METTL2B: variants seen among roughly 807,000 people sequenced by gnomAD.
METTL2B encodes methyltransferase 2B, tRNA N3-cytidine, also known as tRNA N(3)-cytidine methyltransferase METTL2B.
In METTL2B, 28 loss-of-function variants were observed where a neutral mutation model predicts 51.0. The observed-to-expected ratio is 0.55, with a 90% CI of 0.41 to 0.75. METTL2B has a LOEUF of 0.75. METTL2B is among the 30% of genes least tolerant of loss of function. The pLI, the probability that METTL2B is intolerant of heterozygous loss-of-function variation, is 0.00. For missense variants in METTL2B, 313 were observed against 460.7 expected (o/e 0.68, Z 2.93); for synonymous variants, 128 against 166.3 (o/e 0.77, Z 1.77).
chr7:128,488,233 G>A (rs1284514494), intron 5 of METTL2B, 72 bp downstream of exon 5: 2 of 959,364 alleles, frequency 2.1e-6, no homozygotes, highest in Admixed American at 2.3e-5. Context: ...TAAAAATCAA[G>A]GTCTCTGGCT....
Position 128,502,225 on chromosome 7 carries a change from A to G in METTL2B, c.*309A>G, listed in dbSNP as rs1563032528. ...CAGGATTCTAACAATTATGCTTCAT[A>G]TTTGTGAAGTCCTTTAAAACATAAT... On this transcript the variant is annotated 3_prime_UTR_variant, in exon 9 of 9. Coordinates refer to ENST00000262432, the MANE Select transcript of METTL2B (RefSeq NM_018396.3). The G allele has an allele frequency of 3.0e-6, 1 of 330,492 alleles. No individual in the cohort carries two copies. The highest frequency in any genetic ancestry group is 5.5e-6 in the Non-Finnish European group (1 of 182,724). 20.5% of individuals were successfully genotyped at this position (330,492 alleles called of 1,614,324 possible). A position where few individuals can be genotyped will look rare whatever the true frequency, so the allele number is the denominator to read the frequency against.
rs755022379 is a variant in METTL2B at position 128,479,223 on chromosome 7, T to A, written c.268T>A (p.Phe90Ile). The change falls in exon 3 of 9, where the codon TTC becomes ATC. Residue 90 changes from phenylalanine to isoleucine, a missense_variant. Transcript: ENST00000262432. ...DFYKIHENGF[F>I]KDRHWLFTEF... ...CTACAAAATCCACGAAAATGGGTTT[T>A]TCAAGGATAGACATTGGCTTTTTAC... The A allele has an allele frequency of 1.9e-6, 3 of 1,614,224 alleles. No individual in the cohort carries two copies. In the East Asian group the frequency reaches 6.7e-5, roughly 36 times the overall value.
At chr7:128,477,714 G>A (rs1020133478) in intron 2 of METTL2B, among the ~76,000 whole-genome samples, 4 of 151,754 alleles carry the variant, frequency 2.6e-5, no homozygotes, top group African/African-American at 9.7e-5. Context: ...GCCCCTGCTT[G>A]AGAGGTTGAT....
rs536579025 is a variant in METTL2B at position 128,506,405 on chromosome 7, C to A, written c.*4489C>A. Reference sequence around the variant, plus strand: ...TAAAAAGACGAGCCTTCTCCTGCCCCTGCTCCCTTTTATTCCCTGCCATCT... The same window carrying A: ...TAAAAAGACGAGCCTTCTCCTGCCCATGCTCCCTTTTATTCCCTGCCATCT... On this transcript the variant is annotated 3_prime_UTR_variant, in exon 9 of 9. Transcript: ENST00000262432. The A allele has an allele frequency of 5.2e-4, 79 of 152,306 alleles. No individual in the cohort carries two copies. The highest frequency in any genetic ancestry group is 1.9e-3 in the African/African-American group (77 of 41,566). The allele number at this position is 152,306 out of a possible 1,614,324, so 9.4% of individuals were successfully genotyped here. A position where few individuals can be genotyped will look rare whatever the true frequency, so the allele number is the denominator to read the frequency against.
rs1208233215 is a variant in METTL2B at position 128,504,520 on chromosome 7, A to AT, written c.*2610dup. 6.6e-6 allele frequency: 1 copy of AT among 150,952 alleles called. No individual in the cohort carries two copies. The highest frequency in any genetic ancestry group is 2.4e-5 in the African/African-American group (1 of 41,148). The allele number at this position is 150,952 out of a possible 1,614,324, so 9.4% of individuals were successfully genotyped here. A position where few individuals can be genotyped will look rare whatever the true frequency, so the allele number is the denominator to read the frequency against. On this transcript the variant is annotated 3_prime_UTR_variant, in exon 9 of 9. Coordinates refer to ENST00000262432, the MANE Select transcript of METTL2B (RefSeq NM_018396.3). ...GGCATGCAGCACCATTCCCAGCTAA[A>AT]TTTTTTGTATTTTTAGTAGAGACAA...
chr7:128,493,999 C>T (rs898979891), intron 6 of METTL2B, 56 bp downstream of exon 6: 1 of 1,579,712 alleles, frequency 6.3e-7, no homozygotes, highest in Non-Finnish European at 8.6e-7. Context: ...TGGTGAGGGA[C>T]CTTTTTTTTT....
intron 4 of METTL2B, among the ~76,000 whole-genome samples, chr7:128,485,260 C>T (rs1363460760): frequency 2.0e-5 from 3 of 152,162 alleles, no homozygotes; most frequent in African/African-American, 7.2e-5. Context: ...AGGCCAGGCG[C>T]AGTGGCCCAT....
Position 128,503,013 on chromosome 7 carries a change from A to G in METTL2B, c.*1097A>G, listed in dbSNP as rs1036758689. ...GCTGGGTGCGGTAGCTCATGCCTGT[A>G]ATCCCAACACTTTGGGAGGCTGAGG... On this transcript the variant is annotated 3_prime_UTR_variant, in exon 9 of 9. Coordinates refer to ENST00000262432, the MANE Select transcript of METTL2B (RefSeq NM_018396.3). 2 of 163,958 alleles carry G rather than the reference A, an allele frequency of 1.2e-5. No individual in the cohort carries two copies. The highest frequency in any genetic ancestry group is 4.8e-5 in the African/African-American group (2 of 41,486). The allele number at this position is 163,958 out of a possible 1,614,324, so 10.2% of individuals were successfully genotyped here.
intron 8 of METTL2B, 132 bp from the exon 9 acceptor site, chr7:128,501,630 C>T (rs1793031628): frequency 6.7e-7 from 1 of 1,491,744 alleles, no homozygotes. Context: ...GCCACCACTG[C>T]ATTTATAACC....
chr7:128,500,612 ACT>A (rs1388804014), intron 7 of METTL2B, among the ~76,000 whole-genome samples: 4 of 151,420 alleles, frequency 2.6e-5, no homozygotes, highest in Non-Finnish European at 4.4e-5. Flanking sequence ...CAAGAGCGAA[ACT>A]CTGTCTCAAA....
At position 128,502,874 on chromosome 7, in the gene METTL2B, G is replaced by A. The variant is rs1793057201; in HGVS notation, c.*958G>A. 3 of 230,204 alleles carry A rather than the reference G, an allele frequency of 1.3e-5. No homozygotes were observed. The South Asian group carries it at 1.3e-4, about 10-fold the overall frequency. 14.3% of individuals were successfully genotyped at this position (230,204 alleles called of 1,614,324 possible). A position where few individuals can be genotyped will look rare whatever the true frequency, so the allele number is the denominator to read the frequency against. On this transcript the variant is annotated 3_prime_UTR_variant, in exon 9 of 9. Coordinates refer to ENST00000262432, the MANE Select transcript of METTL2B (RefSeq NM_018396.3). Reference sequence around the variant, plus strand: ...GATTGCGCCACTGTACTCCAGCCTGGGCAACAAAGCAAGACTCTGTCTCAA... The same window carrying A: ...GATTGCGCCACTGTACTCCAGCCTGAGCAACAAAGCAAGACTCTGTCTCAA...
At chr7:128,499,457 C>G (rs1792986374) in intron 7 of METTL2B, among the ~76,000 whole-genome samples, 1 of 151,842 alleles carries the variant, frequency 6.6e-6, no homozygotes, top group South Asian at 2.1e-4. Flanking sequence ...GGTCCACCCA[C>G]CTTGGCCTCC....
Position 128,492,959 on chromosome 7 carries a change from T to C in METTL2B, c.670-845T>C, listed in dbSNP as rs560171173. ...CTCTCCTTATGAATGTTTTTTTTTT[T>C]CCCTGTTGGTCACTCATTTTCATGA... On this transcript the variant is annotated intron_variant, in intron 5 of 8. Transcript: ENST00000262432. 5.3e-5 allele frequency among the ~76,000 whole-genome samples: 8 copies of C among 152,148 alleles called. No homozygotes were observed. The South Asian group carries it at 1.5e-3, about 28-fold the overall frequency.
intron 7 of METTL2B, among the ~76,000 whole-genome samples, chr7:128,498,938 A>G (rs1227714138): frequency 6.6e-6 from 1 of 151,736 alleles, no homozygotes; most frequent in African/African-American, 2.4e-5. Context: ...CGGAGCTTGC[A>G]GTGAGCCGAG....
At chr7:128,477,812 T>C (rs550529258) in intron 2 of METTL2B, 2 of 308,640 alleles carry the variant, frequency 6.5e-6, no homozygotes, top group South Asian at 2.6e-5. Context: ...TAGTACCTGC[T>C]GAAAGAGTTC....
intron 4 of METTL2B, among the ~76,000 whole-genome samples, chr7:128,485,429 C>T (rs866133453): frequency 4.6e-5 from 7 of 152,000 alleles, no homozygotes; most frequent in Admixed American, 2.0e-4. Context: ...TTTGGGAGGC[C>T]GAGACGGGCA....
Position 128,479,579 on chromosome 7 carries a change from T to G in METTL2B, c.558+66T>G, listed in dbSNP as rs1481046482. The stretch of plus-strand genomic sequence containing the variant: ...TTATATTTGTGCACATGAGGTAGCA[T>G]AGAGAGGCTGACAATAAAAGTAACT... On this transcript the variant is annotated intron_variant, in intron 3 of 8. Coordinates refer to ENST00000262432, the MANE Select transcript of METTL2B (RefSeq NM_018396.3). 3.3e-6 allele frequency: 5 copies of G among 1,532,746 alleles called. No homozygotes were observed. In the Admixed American group the frequency reaches 9.9e-5, roughly 30 times the overall value. The allele number at this position is 1,532,746 out of a possible 1,614,324, so 94.9% of individuals were successfully genotyped here. A position where few individuals can be genotyped will look rare whatever the true frequency, so the allele number is the denominator to read the frequency against.
chr7:128,477,230 C>T, intron 2 of METTL2B, 57 bp downstream of exon 2: 1 of 1,607,312 alleles, frequency 6.2e-7, no homozygotes, highest in East Asian at 2.2e-5. Flanking sequence ...CGAACGCGCC[C>T]TCCCGGAGAG....
intron 4 of METTL2B, chr7:128,483,108 A>AT (rs1799893004): frequency 6.6e-6 from 1 of 152,174 alleles, no homozygotes; most frequent in Non-Finnish European, 1.5e-5. Context: ...AGTCTGAGGA[A>AT]CCCACCTCAA....
Sources: gnomAD v4.1 joint callset for allele counts (sites outside exome capture counted in the v4.1 genomes callset) on GRCh38, gnomAD v4.1.1 for gene constraint, MANE v1.5 for transcripts, NCBI Gene and HGNC (gene_info 2026-07-23, HGNC 2026-07-21) for gene names.